Variants in ATP13A2 observed in about 807,000 individuals in gnomAD.
ATP13A2 encodes polyamine-transporting ATPase 13A2.
Under a neutral mutation model 138.3 loss-of-function variants are expected in ATP13A2, and 83 were observed. That is an observed-to-expected ratio of 0.60 (90% CI 0.50 to 0.72). ATP13A2 has a LOEUF of 0.72. Among genes scored for constraint, ATP13A2 ranks in the 30% least tolerant of loss-of-function variants. The pLI is 0.00. For synonymous variants in ATP13A2, 663 were observed against 699.0 expected, an observed-to-expected ratio of 0.95 and a Z score of 0.81; for missense variants, 1,402 against 1,606.4, an observed-to-expected ratio of 0.87 and a Z score of 2.17.
chr1:16,996,363 G>C, intron 13 of ATP13A2, 23 bp downstream of exon 13: 1 of 1,613,454 alleles, frequency 6.2e-7, no homozygotes, highest in Non-Finnish European at 8.5e-7. Context: ...TATGGGCAGA[G>C]GAGGGTGCAG....
chr1:17,007,687 G>A (rs2101204635), intron 1 of ATP13A2, among the ~76,000 whole-genome samples: 1 of 151,974 alleles, frequency 6.6e-6, no homozygotes, highest in Non-Finnish European at 1.5e-5. Context: ...AAGTAGCTGG[G>A]ACTACAGGCG....
At chr1:17,002,148 GCTGGACC>G (rs1557707707) in intron 7 of ATP13A2, 45 bp from the exon 8 acceptor site, 2 of 1,601,904 alleles carry the variant, frequency 1.2e-6, no homozygotes, top group Non-Finnish European at 8.5e-7. Flanking sequence ...AGGAGCTGTG[GCTGGACC>G]CTCCCGGGGT....
Position 16,997,119 on chromosome 1 carries a change from C to A in ATP13A2, c.1096G>T (p.Ala366Ser). The A allele has an allele frequency of 6.2e-7, 1 of 1,613,782 alleles. No individual in the cohort carries two copies. The highest frequency in any genetic ancestry group is 8.5e-7 in the Non-Finnish European group (1 of 1,180,034). The part of the protein sequence containing the change: ...ALPEGLGPYC[A>S]ETHRRHTLFC... Reference sequence around the variant, plus strand: ...AGTGTGTGCCGCCGGTGTGTCTCTGCACAGTAGGGCCCCAGCCCCTCCGGC... The same window carrying A: ...AGTGTGTGCCGCCGGTGTGTCTCTGAACAGTAGGGCCCCAGCCCCTCCGGC... Residue 366 changes from alanine to serine, a missense_variant, in exon 12 of 29, where the codon GCA becomes TCA. By Grantham distance (99) the Ala-to-Ser change is moderately conservative. Coordinates refer to ENST00000326735, the MANE Select transcript of ATP13A2 (RefSeq NM_022089.4).
rs200537435 is a variant in ATP13A2 at position 16,987,086 on chromosome 1, C to T, written c.3043G>A (p.Val1015Met). ...GTCAGGAAGTAGCCCCCTAGCTGCA[C>T]GCCGGTCACCAGGACCATCTGCAGC... ...LLLQMVLVTG[V>M]QLGGYFLTLA... The change falls in exon 26 of 29, where the codon GTG becomes ATG. Residue 1015 changes from valine to methionine, a missense_variant. Val to Met is a conservative substitution (Grantham distance 21). Transcript: ENST00000326735. 1.1e-5 allele frequency: 17 copies of T among 1,613,354 alleles called. No individual in the cohort carries two copies. The highest frequency in any genetic ancestry group is 1.7e-5 in the Admixed American group (1 of 59,990).
chr1:16,998,931 C>A (rs2077238960), intron 11 of ATP13A2, among the ~76,000 whole-genome samples: 1 of 152,124 alleles, frequency 6.6e-6, no homozygotes, highest in South Asian at 2.1e-4. Flanking sequence ...TGGAAGACAC[C>A]TCACACCCTT....
Position 16,996,513 on chromosome 1 carries a change from G to A in ATP13A2, c.1196-17C>T, listed in dbSNP as rs371638873. 2.6e-5 allele frequency: 42 copies of A among 1,609,620 alleles called. No homozygotes were observed. The highest frequency in any genetic ancestry group is 3.6e-5 in the Non-Finnish European group (42 of 1,176,348). On this transcript the variant is annotated splice_polypyrimidine_tract_variant and intron_variant, in intron 12 of 28. Transcript: ENST00000326735. ...TGCAGAACCCTGGGGAGGAGGCGGGGACCCCAAGGCAGGGAAGCCAGGGTG... is the reference window on the plus strand; with the variant it reads ...TGCAGAACCCTGGGGAGGAGGCGGGAACCCCAAGGCAGGGAAGCCAGGGTG...
chr1:16,989,972 T>C lies in ATP13A2; in HGVS notation c.2444A>G (p.Glu815Gly). The change falls in exon 22 of 29, where the codon GAG becomes GGG. Residue 815 changes from glutamate (E) to glycine (G), a missense_variant. Glu to Gly is a moderately conservative substitution (Grantham distance 98, BLOSUM62 -2). Coordinates refer to ENST00000326735, the MANE Select transcript of ATP13A2 (RefSeq NM_022089.4). The stretch of plus-strand genomic sequence containing the variant: ...CAGGTGCCTGGATCGGGGGTCTGGC[T>C]CCACGGTGTAGCTTGCAGCCTGGTC... ...DPDQAASYTVEPDPRSRHLAL... is the reference protein window; with the variant it reads ...DPDQAASYTVGPDPRSRHLAL... 6.2e-7 allele frequency: 1 copy of C among 1,609,294 alleles called. No homozygotes were observed. Among genetic ancestry groups the C allele is most frequent in the Non-Finnish European group, 8.5e-7 (1 of 1,177,804 alleles).
At position 17,004,747 on chromosome 1, in the gene ATP13A2, G is replaced by A; in HGVS notation, c.422C>T (p.Ala141Val). The A allele has an allele frequency of 6.2e-7, 1 of 1,614,090 alleles. No homozygotes were observed. Among genetic ancestry groups the A allele is most frequent in the Non-Finnish European group, 8.5e-7 (1 of 1,180,036 alleles). The change falls in exon 5 of 29, where the codon GCC (alanine) becomes GTC (valine). Residue 141 changes from alanine (A) to valine (V), a missense_variant. Coordinates refer to ENST00000326735, the MANE Select transcript of ATP13A2 (RefSeq NM_022089.4). This position sits in a 1 kb window ranked among gnomAD's most constrained non-coding sequence, Gnocchi z 4.1. ...QAAVGAVPEG[A>V]WKDTAQLHKS... The stretch of plus-strand genomic sequence containing the variant: ...GTGGAGCTGGGCCGTATCCTTCCAG[G>A]CACCCTCTGGTACCGCCCCAACTGC...
chr1:16,999,294 C>T (rs565661318), intron 11 of ATP13A2, among the ~76,000 whole-genome samples: 1 of 146,248 alleles, frequency 6.8e-6, no homozygotes, highest in African/African-American at 2.5e-5. Flanking sequence ...GCAGGAGAAT[C>T]GCTTGAACCC....
At chr1:17,008,025 G>T (rs779856808) in intron 1 of ATP13A2, among the ~76,000 whole-genome samples, 13 of 151,580 alleles carry the variant, frequency 8.6e-5, no homozygotes, top group Non-Finnish European at 1.5e-4. Flanking sequence ...AGGTAACCTC[G>T]GTTGTGATGT....
At position 16,986,445 on chromosome 1, in the gene ATP13A2, A is replaced by C. The variant is rs537780162; in HGVS notation, c.3405+18T>G. On this transcript the variant is annotated intron_variant, in intron 28 of 28. Coordinates refer to ENST00000326735, the MANE Select transcript of ATP13A2 (RefSeq NM_022089.4). The surrounding 1 kb of genome is among the most constrained non-coding windows in gnomAD (Gnocchi z 6.9). The stretch of plus-strand genomic sequence containing the variant: ...ACCTCCCTTCTCTCCCGCTGCTGAG[A>C]CCCAGGGCGGGCCCCACCTCCAGCA... 6.2e-7 allele frequency: 1 copy of C among 1,610,880 alleles called. No homozygotes were observed. Among genetic ancestry groups the C allele is most frequent in the African/African-American group, 1.3e-5 (1 of 74,926 alleles).
Position 16,995,731 on chromosome 1 carries a change from C to A in ATP13A2, c.1542+245G>T. ...AAAGTGCTGGGATTACAGACGTGAG[C>A]CACCGCGCCCGGCCCCCCACCAGTT... On this transcript the variant is annotated intron_variant, in intron 15 of 28. Transcript: ENST00000326735. The surrounding 1 kb of genome is among the most constrained non-coding windows in gnomAD (Gnocchi z 4.1). 1 of 596,188 alleles carries A rather than the reference C, an allele frequency of 1.7e-6. No individual in the cohort carries two copies. The highest frequency in any genetic ancestry group is 3.1e-6 in the Non-Finnish European group (1 of 326,596). 36.9% of individuals were successfully genotyped at this position (596,188 alleles called of 1,614,324 possible). A position where few individuals can be genotyped will look rare whatever the true frequency, so the allele number is the denominator to read the frequency against.
Position 17,004,789 on chromosome 1 carries a change from TC to T in ATP13A2, c.379del (p.Asp127MetfsTer29), listed in dbSNP as rs1450998601. 6.2e-7 allele frequency: 1 copy of T among 1,613,974 alleles called. No individual in the cohort carries two copies. The highest frequency in any genetic ancestry group is 1.7e-5 in the Admixed American group (1 of 60,018). On this transcript the variant is annotated frameshift_variant, in exon 5 of 29. Transcript: ENST00000326735. LOFTEE classifies it high-confidence loss of function. This position sits in a 1 kb window ranked among gnomAD's most constrained non-coding sequence, Gnocchi z 4.1. Reference protein sequence around the residue: ...LEPSPQSQAEDGRSQAAVGAV... With the variant: ...LEPSPQSQAEXGRSQAAVGAV... ...CCCAACTGCCGCCTGGCTCCGGCCA[TC>T]CTCTGCCTGGGACTGTGGGGACGGC...
Position 16,988,293 on chromosome 1 carries a change from C to T in ATP13A2, c.2762+29G>A, listed in dbSNP as rs141447403. The T allele has an allele frequency of 1.8e-3, 2,872 of 1,614,140 alleles. 54 individuals are homozygous for T. The African/African-American group carries it at 0.035, about 19-fold the overall frequency. ...GGTTGGCTGACCAGCCCTGCTGAGC[C>T]CTCACCCACCGGTCCCTGCCTGCCT... On this transcript the variant is annotated intron_variant, in intron 24 of 28. Coordinates refer to ENST00000326735, the MANE Select transcript of ATP13A2 (RefSeq NM_022089.4).
Position 17,005,421 on chromosome 1 carries a change from T to A in ATP13A2, c.241A>T (p.Asn81Tyr). 5 of 1,613,090 alleles carry A rather than the reference T, an allele frequency of 3.1e-6. No individual in the cohort carries two copies. Among genetic ancestry groups the A allele is most frequent in the Non-Finnish European group, 3.4e-6 (4 of 1,179,546 alleles). The change falls in exon 3 of 29, where the codon AAC becomes TAC. Residue 81 changes from asparagine to tyrosine, a missense_variant. Coordinates refer to ENST00000326735, the MANE Select transcript of ATP13A2 (RefSeq NM_022089.4). The stretch of plus-strand genomic sequence containing the variant: ...ACGAGTGTTTCGGCGTGGGCCAGGT[T>A]GCAGGGCCGGAGCCGCAGCCGCACC... The part of the protein sequence containing the change: ...WGVRLRLRPC[N>Y]LAHAETLVIE...
At position 17,011,913 on chromosome 1, in the gene ATP13A2, G is replaced by A. The variant is rs2077816746; in HGVS notation, c.-175C>T. On this transcript the variant is annotated 5_prime_UTR_variant, in exon 1 of 29. Transcript: ENST00000326735. The surrounding 1 kb of genome is among the most constrained non-coding windows in gnomAD (Gnocchi z 7.3). ...CGGGGCACCTGGGCCACCAGGCTCG[G>A]CGCGGCTCCGACACTGCCGCAGTCC... 2.2e-6 allele frequency: 1 copy of A among 460,050 alleles called. No individual in the cohort carries two copies. The highest frequency in any genetic ancestry group is 2.9e-6 in the Non-Finnish European group (1 of 346,302). 28.5% of individuals were successfully genotyped at this position (460,050 alleles called of 1,614,324 possible).
Position 16,986,258 on chromosome 1 carries a change from TGCTC to T in ATP13A2, c.3502_3505del (p.Glu1168SerfsTer11). On this transcript the variant is annotated frameshift_variant, in exon 29 of 29. Coordinates refer to ENST00000326735, the MANE Select transcript of ATP13A2 (RefSeq NM_022089.4). LOFTEE classifies it high-confidence loss of function. This position sits in a 1 kb window ranked among gnomAD's most constrained non-coding sequence, Gnocchi z 6.9. ...GCCGGCGGGCAGCGGCGGCCAGGGC[TGCTC>T]GGCCAGCTCTCGTTCCAGCTGCTTG... 1.2e-6 allele frequency: 2 copies of T among 1,608,070 alleles called. No homozygotes were observed.
chr1:16,986,392 G>C lies in ATP13A2; in HGVS notation c.3406-34C>G. On this transcript the variant is annotated intron_variant, in intron 28 of 28. Coordinates refer to ENST00000326735, the MANE Select transcript of ATP13A2 (RefSeq NM_022089.4). The surrounding 1 kb of genome is among the most constrained non-coding windows in gnomAD (Gnocchi z 6.9). ...GGCAGGGAGGGTGTCAGGGGCAGCCGGGGCTGAGCTGGGGTCAATGCACCC... is the reference window on the plus strand; with the variant it reads ...GGCAGGGAGGGTGTCAGGGGCAGCCCGGGCTGAGCTGGGGTCAATGCACCC... The C allele has an allele frequency of 6.3e-7, 1 of 1,593,990 alleles. No individual in the cohort carries two copies. Among genetic ancestry groups the C allele is most frequent in the Non-Finnish European group, 8.5e-7 (1 of 1,173,436 alleles).
intron 6 of ATP13A2, among the ~76,000 whole-genome samples, chr1:17,003,826 G>A (rs965251026): frequency 1.3e-5 from 2 of 151,968 alleles, no homozygotes; most frequent in African/African-American, 4.8e-5. Flanking sequence ...ATCACGCCCA[G>A]CTAATTTTTG....
Sources: allele counts gnomAD v4.1 joint callset (sites outside exome capture counted in the v4.1 genomes callset), GRCh38; gene constraint gnomAD v4.1.1; non-coding constraint Gnocchi (gnomAD v3.1); transcripts MANE v1.5; gene names NCBI Gene and HGNC (gene_info 2026-07-23, HGNC 2026-07-21).